Variants in ADAMTSL1 observed in about 807,000 individuals in gnomAD.
ADAMTSL1 encodes ADAMTS like 1, also known as ADAMTS-like protein 1.
Under a neutral mutation model 201.8 loss-of-function variants are expected in ADAMTSL1, and 126 were observed. The ratio of observed to expected loss-of-function variants is 0.62; its 90% CI spans 0.54 to 0.72. ADAMTSL1 has a LOEUF of 0.72. Ranked by LOEUF, ADAMTSL1 falls within the 30% of genes least tolerant of loss-of-function variation. ADAMTSL1 has a pLI of 0.00. For missense variants in ADAMTSL1, 2,679 were observed against 2,277.8 expected (o/e 1.18, Z -3.59); for synonymous variants, 1,121 against 903.4 (o/e 1.24, Z -4.32).
chr9:18,642,505 G>A (rs1484503159), intron 7 of ADAMTSL1, among the ~76,000 whole-genome samples: 3 of 151,822 alleles, frequency 2.0e-5, no homozygotes, highest in Non-Finnish European at 2.9e-5. Context: ...TGCAGCCACC[G>A]TGTTGTAGGT....
rs1047859356 is a variant in ADAMTSL1 at position 18,602,313 on chromosome 9, C to T, written c.475-19930C>T. On this transcript the variant is annotated intron_variant, in intron 4 of 28. Coordinates refer to ENST00000380548, the MANE Select transcript of ADAMTSL1 (RefSeq NM_001040272.6). ...AAAATCTTTTTGCACTAGGACAAAA[C>T]GAAACTTCTGCTGCAAACATGAGCC... Among the ~76,000 whole-genome samples the T allele has an allele frequency of 1.8e-4, 27 of 152,184 alleles. 1 individual carries two copies. Among genetic ancestry groups the T allele is most frequent in the African/African-American group, 5.1e-4 (21 of 41,450 alleles).
chr9:18,857,286 C>A (rs1826919489), intron 23 of ADAMTSL1, among the ~76,000 whole-genome samples: 1 of 152,162 alleles, frequency 6.6e-6, no homozygotes, highest in Non-Finnish European at 1.5e-5. Flanking sequence ...TCAGTTATCC[C>A]AATAATGTCT....
chr9:18,865,244 A>G (rs189399810), intron 23 of ADAMTSL1, among the ~76,000 whole-genome samples: 13 of 151,846 alleles, frequency 8.6e-5, no homozygotes, highest in South Asian at 2.1e-4. Flanking sequence ...CCTGTGTCCA[A>G]GTGTTCTCAT....
intron 3 of ADAMTSL1, among the ~76,000 whole-genome samples, chr9:18,552,318 A>G (rs558857746): frequency 6.6e-6 from 1 of 152,002 alleles, no homozygotes; most frequent in East Asian, 1.9e-4. Context: ...TTAAATTTCC[A>G]TATGATTCCT....
At chr9:18,707,421 G>C (rs1564167760) in intron 14 of ADAMTSL1, among the ~76,000 whole-genome samples, 1 of 152,202 alleles carries the variant, frequency 6.6e-6, no homozygotes, top group Non-Finnish European at 1.5e-5. Flanking sequence ...TGTGAACCAA[G>C]ACCCAAGAAC....
intron 1 of ADAMTSL1, among the ~76,000 whole-genome samples, chr9:18,163,293 C>T (rs1200964138): frequency 1.3e-5 from 2 of 151,980 alleles, no homozygotes; most frequent in African/African-American, 2.4e-5. Flanking sequence ...CACAAGATAA[C>T]CTGTGTAAAG....
At chr9:18,314,758 G>T (rs866517664) in intron 2 of ADAMTSL1, among the ~76,000 whole-genome samples, 1 of 141,138 alleles carries the variant, frequency 7.1e-6, no homozygotes, top group African/African-American at 2.6e-5. Flanking sequence ...CCAGTGGGTT[G>T]CCACTGCTGC....
chr9:18,664,189 C>G (rs944884722), intron 9 of ADAMTSL1, among the ~76,000 whole-genome samples: 1 of 152,054 alleles, frequency 6.6e-6, no homozygotes, highest in African/African-American at 2.4e-5. Context: ...TGTAAGTACG[C>G]TACTCTGAGG....
chr9:18,639,766 A>T (rs951167357), intron 7 of ADAMTSL1, among the ~76,000 whole-genome samples: 1 of 152,100 alleles, frequency 6.6e-6, no homozygotes, highest in Admixed American at 6.6e-5. Context: ...AGTAAAAGAG[A>T]AAAACAAACT....
At chr9:17,959,718 AG>A in intron 1 of ADAMTSL1, among the ~76,000 whole-genome samples, 1 of 152,180 alleles carries the variant, frequency 6.6e-6, no homozygotes, top group East Asian at 1.9e-4. Flanking sequence ...GGTCTCCCAA[AG>A]TGCTGGGATT....
chr9:18,791,938 A>G (rs1010030891), intron 19 of ADAMTSL1, among the ~76,000 whole-genome samples: 1 of 152,198 alleles, frequency 6.6e-6, no homozygotes, highest in Admixed American at 6.5e-5. Flanking sequence ...AGACATGGGC[A>G]GAAAGCATGG....
chr9:18,624,626 C>T (rs1826242006), intron 5 of ADAMTSL1, among the ~76,000 whole-genome samples: 1 of 152,130 alleles, frequency 6.6e-6, no homozygotes, highest in Non-Finnish European at 1.5e-5. Context: ...CCCATACCTT[C>T]TTGTTCTCAT....
chr9:17,991,979 GC>G (rs1397225620), intron 1 of ADAMTSL1, among the ~76,000 whole-genome samples: 2 of 152,036 alleles, frequency 1.3e-5, no homozygotes. Context: ...ATCACCAGGG[GC>G]TTGGTGCTAC....
chr9:18,746,872 A>G (rs1819178582), intron 15 of ADAMTSL1, among the ~76,000 whole-genome samples: 1 of 152,134 alleles, frequency 6.6e-6, no homozygotes, highest in Non-Finnish European at 1.5e-5. Flanking sequence ...TACCCATATT[A>G]ACCCTGATGG....
intron 1 of ADAMTSL1, among the ~76,000 whole-genome samples, chr9:17,917,443 G>A (rs879724580): frequency 2.0e-5 from 3 of 151,914 alleles, no homozygotes; most frequent in Admixed American, 2.0e-4. Context: ...TTTTGTTTCT[G>A]CAGCTAATTA....
rs1295471077 is a variant in ADAMTSL1 at position 18,721,564 on chromosome 9, GAACA to G, written c.1910_1913del (p.Lys637ArgfsTer12). On this transcript the variant is annotated frameshift_variant, in exon 15 of 29. Coordinates refer to ENST00000380548, the MANE Select transcript of ADAMTSL1 (RefSeq NM_001040272.6). LOFTEE classifies it high-confidence loss of function. The stretch of plus-strand genomic sequence containing the variant: ...TCCAGGAGGCTGTGGTGAGCTGCTT[GAACA>G]AACAGACTCGGGAGCCTGCTGAGGA... The G allele has an allele frequency of 1.2e-6, 2 of 1,613,818 alleles. No individual in the cohort carries two copies. Among genetic ancestry groups the G allele is most frequent in the Non-Finnish European group, 1.7e-6 (2 of 1,179,876 alleles).
At chr9:18,695,525 A>T (rs1395039637) in intron 13 of ADAMTSL1, among the ~76,000 whole-genome samples, 1 of 152,206 alleles carries the variant, frequency 6.6e-6, no homozygotes, top group Non-Finnish European at 1.5e-5. Context: ...CATCTGGAAC[A>T]CTTTGCTGCT....
At chr9:18,527,391 T>A (rs1278896329) in intron 2 of ADAMTSL1, among the ~76,000 whole-genome samples, 4 of 152,156 alleles carry the variant, frequency 2.6e-5, no homozygotes, top group Non-Finnish European at 4.4e-5. Flanking sequence ...ACATCAGGTA[T>A]AAGTCTGGCT....
intron 1 of ADAMTSL1, among the ~76,000 whole-genome samples, chr9:18,488,731 A>G (rs1822121807): frequency 6.6e-6 from 1 of 152,276 alleles, no homozygotes; most frequent in African/African-American, 2.4e-5. Flanking sequence ...CTCTCCCTGC[A>G]AGGCTGAAAT....
Sources: gnomAD v4.1 joint callset for allele counts (sites outside exome capture counted in the v4.1 genomes callset) on GRCh38, gnomAD v4.1.1 for gene constraint, MANE v1.5 for transcripts, NCBI Gene and HGNC (gene_info 2026-07-23, HGNC 2026-07-21) for gene names.